Variants in HS3ST5 observed in about 807,000 individuals in gnomAD.
HS3ST5 encodes heparan sulfate glucosamine 3-O-sulfotransferase 5.
HS3ST5 carries 10 observed loss-of-function variants against 25.4 expected under a neutral mutation model. The ratio of observed to expected loss-of-function variants is 0.39; its 90% CI spans 0.24 to 0.67. HS3ST5 has a LOEUF of 0.67. HS3ST5 is among the 30% of genes least tolerant of loss of function. The pLI, the probability that HS3ST5 is intolerant of heterozygous loss-of-function variation, is 0.44. For missense variants in HS3ST5, 324 were observed against 420.7 expected (o/e 0.77, Z 2.01); for synonymous variants, 170 against 162.4 (o/e 1.05, Z -0.36).
intron 1 of HS3ST5, among the ~76,000 whole-genome samples, chr6:114,292,820 A>G (rs575362211): frequency 2.0e-5 from 3 of 152,342 alleles, no homozygotes; most frequent in African/African-American, 7.2e-5. Context: ...ATCCTCCTGT[A>G]TACTTTAAAT....
intron 1 of HS3ST5, among the ~76,000 whole-genome samples, chr6:114,255,094 A>T (rs1028309723): frequency 6.6e-6 from 1 of 152,234 alleles, no homozygotes; most frequent in African/African-American, 2.4e-5. Flanking sequence ...TAAAATCAAA[A>T]GCAAGCTAGT....
intron 1 of HS3ST5, among the ~76,000 whole-genome samples, chr6:114,295,811 C>T (rs911726917): frequency 6.6e-6 from 1 of 152,136 alleles, no homozygotes; most frequent in African/African-American, 2.4e-5. Context: ...ACTGCCAGAC[C>T]ATATCCAAGT....
At chr6:114,302,184 C>T (rs572018538) in intron 1 of HS3ST5, among the ~76,000 whole-genome samples, 4 of 152,060 alleles carry the variant, frequency 2.6e-5, no homozygotes, top group Non-Finnish European at 5.9e-5. Context: ...ACCCTAGACA[C>T]CCTTAATATA....
intron 3 of HS3ST5, among the ~76,000 whole-genome samples, chr6:114,124,232 C>T (rs1239230933): frequency 6.6e-6 from 1 of 152,154 alleles, no homozygotes; most frequent in Non-Finnish European, 1.5e-5. Flanking sequence ...CACTAAATGA[C>T]TGGGCTGACA....
intron 4 of HS3ST5, 37 bp downstream of exon 4, chr6:114,062,702 T>C: frequency 1.5e-6 from 2 of 1,324,512 alleles, no homozygotes; most frequent in Middle Eastern, 1.8e-4. Context: ...CAAGCCTTAA[T>C]GTCACAGGGG....
intron 2 of HS3ST5, among the ~76,000 whole-genome samples, chr6:114,197,640 C>T (rs972781563): frequency 2.0e-5 from 3 of 152,080 alleles, no homozygotes; most frequent in African/African-American, 7.2e-5. Context: ...CCCTCCCTCC[C>T]TCCTTTTGGA....
Position 114,240,095 on chromosome 6 carries a change from A to G in HS3ST5, c.-338-11317T>C, listed in dbSNP as rs76984902. ...TCTTTACTAAATGACTTTAACTACT[A>G]TTTAACGAAGGCTCTCCCTTTTCAC... On this transcript the variant is annotated intron_variant, in intron 1 of 4. Transcript: ENST00000312719. 1.9e-3 allele frequency among the ~76,000 whole-genome samples: 287 copies of G among 152,090 alleles called. 2 individuals carry two copies. Among genetic ancestry groups the G allele is most frequent in the African/African-American group, 6.2e-3 (258 of 41,494 alleles).
intron 2 of HS3ST5, among the ~76,000 whole-genome samples, chr6:114,210,266 A>G (rs1008107102): frequency 6.6e-6 from 1 of 152,210 alleles, no homozygotes; most frequent in African/African-American, 2.4e-5. Flanking sequence ...TTTTCATTAC[A>G]TAATTTGAAA....
chr6:114,306,595 A>G lies in HS3ST5; in HGVS notation c.-339+35600T>C, dbSNP rs570730785. Among the ~76,000 whole-genome samples, 142 of 152,178 alleles carry G rather than the reference A, an allele frequency of 9.3e-4. 1 individual carries two copies. The highest frequency in any genetic ancestry group is 1.1e-3 in the Non-Finnish European group (73 of 67,970). On this transcript the variant is annotated intron_variant, in intron 1 of 4. Transcript: ENST00000312719. Reference sequence around the variant, plus strand: ...GTGTTATACATCAATGCAATTCTAGACTAAAAACATTCTCAATATTCTACA... The same window carrying G: ...GTGTTATACATCAATGCAATTCTAGGCTAAAAACATTCTCAATATTCTACA...
chr6:114,219,064 A>G (rs565263956), intron 2 of HS3ST5, among the ~76,000 whole-genome samples: 9 of 152,358 alleles, frequency 5.9e-5, no homozygotes, highest in African/African-American at 2.2e-4. Context: ...TTCCCACAGC[A>G]ATTTAGTATG....
At chr6:114,086,156 A>G (rs2114779716) in intron 3 of HS3ST5, among the ~76,000 whole-genome samples, 1 of 152,236 alleles carries the variant, frequency 6.6e-6, no homozygotes, top group African/African-American at 2.4e-5. Context: ...TGGTGTTACT[A>G]CTATTATTGC....
intron 3 of HS3ST5, among the ~76,000 whole-genome samples, chr6:114,137,277 T>G (rs1338270928): frequency 6.6e-6 from 1 of 152,218 alleles, no homozygotes; most frequent in African/African-American, 2.4e-5. Context: ...AGTAACAGTA[T>G]GCTGGCTTTA....
chr6:114,106,643 T>C (rs1776007949), intron 3 of HS3ST5, among the ~76,000 whole-genome samples: 1 of 152,116 alleles, frequency 6.6e-6, no homozygotes, highest in Non-Finnish European at 1.5e-5. Flanking sequence ...AAGTTAAAAC[T>C]TTCCTTTTGA....
At chr6:114,213,181 G>C (rs1781589298) in intron 2 of HS3ST5, among the ~76,000 whole-genome samples, 1 of 151,958 alleles carries the variant, frequency 6.6e-6, no homozygotes, top group South Asian at 2.1e-4. Context: ...TCGAAGTCCT[G>C]CCGTCAAGCC....
intron 1 of HS3ST5, among the ~76,000 whole-genome samples, chr6:114,253,178 C>T (rs73542323): frequency 0.044 from 6,754 of 152,138 alleles, 225 homozygotes; most frequent in African/African-American, 0.097. Context: ...TTAGGCAAGA[C>T]AATGAGACCC....
At chr6:114,335,144 CA>C (rs970877171) in intron 1 of HS3ST5, among the ~76,000 whole-genome samples, 2 of 152,060 alleles carry the variant, frequency 1.3e-5, no homozygotes, top group African/African-American at 4.8e-5. Context: ...ATCATGGCTC[CA>C]CCCCTTTAGC....
intron 4 of HS3ST5, among the ~76,000 whole-genome samples, chr6:114,060,422 G>C (rs1246034958): frequency 1.3e-5 from 2 of 152,168 alleles, no homozygotes. Context: ...TTAAATGGAG[G>C]ATGTAAAATT....
intron 1 of HS3ST5, among the ~76,000 whole-genome samples, chr6:114,271,718 T>A (rs1423813011): frequency 6.6e-6 from 1 of 152,134 alleles, no homozygotes; most frequent in Non-Finnish European, 1.5e-5. Context: ...CCAATTAGTA[T>A]TCTTTCTGCC....
intron 3 of HS3ST5, chr6:114,084,525 C>G (rs943352980): frequency 1.3e-6 from 1 of 758,896 alleles, no homozygotes; most frequent in African/African-American, 1.7e-5. Context: ...CCCGAGCCGG[C>G]GTCCACCGCA....
Sources: gnomAD v4.1 joint callset for allele counts (sites outside exome capture counted in the v4.1 genomes callset) on GRCh38, gnomAD v4.1.1 for gene constraint, MANE v1.5 for transcripts, NCBI Gene and HGNC (gene_info 2026-07-23, HGNC 2026-07-21) for gene names.